Variants in EPHA3 observed in about 807,000 individuals in gnomAD.
The protein encoded by EPHA3 is EPH receptor A3.
Under a neutral mutation model 107.1 loss-of-function variants are expected in EPHA3, and 42 were observed. The observed-to-expected ratio is 0.39, with a 90% CI of 0.31 to 0.51. The LOEUF (loss-of-function observed/expected upper bound fraction) is 0.51, where lower values mean the gene tolerates loss of function less well. EPHA3 is among the 20% of genes least tolerant of loss of function. The pLI is 0.78. For missense variants in EPHA3, 1,183 were observed against 1,211.2 expected, an observed-to-expected ratio of 0.98 and a Z score of 0.35; for synonymous variants, 461 against 424.8, an observed-to-expected ratio of 1.09 and a Z score of -1.05.
chr3:89,346,586 G>A (rs1707661482), intron 5 of EPHA3, among the ~76,000 whole-genome samples: 1 of 150,124 alleles, frequency 6.7e-6, no homozygotes, highest in African/African-American at 2.4e-5. Flanking sequence ...CACTCTGATG[G>A]TAGTTTCTTT....
intron 15 of EPHA3, among the ~76,000 whole-genome samples, chr3:89,471,607 G>A (rs1287132005): frequency 5.9e-5 from 9 of 151,988 alleles, no homozygotes; most frequent in East Asian, 1.9e-4. Flanking sequence ...CAGGTGACCC[G>A]CCGGCCTCAA....
chr3:89,431,451 T>G (rs1169544747), intron 13 of EPHA3, 92 bp downstream of exon 13: 6 of 1,029,988 alleles, frequency 5.8e-6, no homozygotes, highest in Non-Finnish European at 8.5e-6. Flanking sequence ...ACCCAAAACG[T>G]GTTGTCAATT....
intron 6 of EPHA3, among the ~76,000 whole-genome samples, chr3:89,396,966 T>G (rs1292410717): frequency 6.6e-6 from 1 of 152,208 alleles, no homozygotes; most frequent in East Asian, 1.9e-4. Context: ...GGCATCTGTT[T>G]TGAATTGTGG....
At chr3:89,113,637 A>C (rs2106944493) in intron 1 of EPHA3, among the ~76,000 whole-genome samples, 1 of 152,166 alleles carries the variant, frequency 6.6e-6, no homozygotes, top group African/African-American at 2.4e-5. Context: ...TTAATATATA[A>C]ATCATTTGCT....
At chr3:89,358,142 CTT>C (rs1018971646) in intron 5 of EPHA3, among the ~76,000 whole-genome samples, 1 of 150,640 alleles carries the variant, frequency 6.6e-6, no homozygotes, top group Non-Finnish European at 1.5e-5. Flanking sequence ...AGAAGAGAGA[CTT>C]TTTTTTACTA....
chr3:89,247,759 A>C (rs1384015690), intron 3 of EPHA3, among the ~76,000 whole-genome samples: 3 of 152,176 alleles, frequency 2.0e-5, no homozygotes, highest in African/African-American at 7.2e-5. Context: ...AGCAAACGAA[A>C]TTTGAGTCTA....
At chr3:89,416,372 A>G (rs1313496974) in intron 10 of EPHA3, among the ~76,000 whole-genome samples, 1 of 151,456 alleles carries the variant, frequency 6.6e-6, no homozygotes, top group Non-Finnish European at 1.5e-5. Flanking sequence ...TGAATAAGAC[A>G]ATATAAAACT....
At position 89,422,322 on chromosome 3, in the gene EPHA3, G is replaced by A. The variant is rs1387303231; in HGVS notation, c.2074+2932G>A. Among the ~76,000 whole-genome samples the A allele has an allele frequency of 2.0e-5, 3 of 149,904 alleles. No individual in the cohort carries two copies. In the South Asian group the frequency reaches 6.3e-4, roughly 32 times the overall value. ...ATTTCTAAAACAATCCACCTGCAGA[G>A]ATCAGAAAGCACATCTATACATGCA... On this transcript the variant is annotated intron_variant, in intron 11 of 16. Coordinates refer to ENST00000336596, the MANE Select transcript of EPHA3 (RefSeq NM_005233.6).
In EPHA3 at chr3:89,209,944, A is replaced by C; in HGVS notation, c.238A>C (p.Asn80His). 6.2e-7 allele frequency: 1 copy of C among 1,613,912 alleles called. No homozygotes were observed. The highest frequency in any genetic ancestry group is 8.5e-7 in the Non-Finnish European group (1 of 1,179,908). Residue 80 changes from asparagine (N) to histidine (H), a missense_variant, in exon 3 of 17, where the codon AAT (asparagine) becomes CAT (histidine). Transcript: ENST00000336596. Reference sequence around the variant, plus strand: ...CAATGTCATGGACCACAGTCAAAACAATTGGCTGAGAACAAACTGGGTCCC... The same window carrying C: ...CAATGTCATGGACCACAGTCAAAACCATTGGCTGAGAACAAACTGGGTCCC... ...VCNVMDHSQN[N>H]WLRTNWVPRN... is the part of the protein sequence containing the mutation.
At position 89,419,254 on chromosome 3, in the gene EPHA3, A is replaced by G; in HGVS notation, c.1938A>G (p.Lys646=). The change falls in exon 11 of 17, where the codon AAA becomes AAG. Residue 646 remains lysine (K), a synonymous_variant. Transcript: ENST00000336596. ...GTCGCTTAAAACTTCCTTCAAAAAA[A>G]GAGATTTCAGTGGCCATTAAGACCC... ...CSGRLKLPSK[K]EISVAIKTLK... is the part of the protein sequence containing the mutation. 1 of 1,610,258 alleles carries G rather than the reference A, an allele frequency of 6.2e-7. No homozygotes were observed. The highest frequency in any genetic ancestry group is 1.7e-4 in the Middle Eastern group (1 of 6,034).
intron 1 of EPHA3, among the ~76,000 whole-genome samples, chr3:89,111,508 T>TCCCCCCCCCCC (rs143096995): frequency 4.7e-5 from 6 of 128,932 alleles, no homozygotes; most frequent in African/African-American, 8.1e-5. Context: ...CACCCCTACA[T>TCCCCCCCCCCC]CCCCCCCCCA....
chr3:89,280,557 A>G (rs916262563), intron 3 of EPHA3, among the ~76,000 whole-genome samples: 5 of 152,168 alleles, frequency 3.3e-5, no homozygotes, highest in African/African-American at 1.2e-4. Context: ...TTGTTTTCAG[A>G]GAGTCACGTG....
At chr3:89,178,949 G>T (rs1350755445) in intron 2 of EPHA3, among the ~76,000 whole-genome samples, 1 of 151,688 alleles carries the variant, frequency 6.6e-6, no homozygotes, top group African/African-American at 2.4e-5. Flanking sequence ...GTCAATAAAT[G>T]TTTGTGGTAT....
At chr3:89,388,640 A>G (rs140848937) in intron 5 of EPHA3, among the ~76,000 whole-genome samples, 35 of 152,314 alleles carry the variant, frequency 2.3e-4, no homozygotes, top group African/African-American at 7.7e-4. Context: ...GCAATAAATG[A>G]CAAAGCTGGT....
intron 3 of EPHA3, among the ~76,000 whole-genome samples, chr3:89,285,907 G>A (rs1706070556): frequency 6.6e-6 from 1 of 152,098 alleles, no homozygotes; most frequent in African/African-American, 2.4e-5. Flanking sequence ...GAATTAAGGA[G>A]GGGTAAGGAA....
At chr3:89,266,455 A>G (rs937322739) in intron 3 of EPHA3, among the ~76,000 whole-genome samples, 11 of 152,188 alleles carry the variant, frequency 7.2e-5, no homozygotes, top group Admixed American at 7.2e-4. Flanking sequence ...TTAGTGTGTC[A>G]GTGTTGAATT....
At chr3:89,130,899 A>G (rs1252019041) in intron 2 of EPHA3, among the ~76,000 whole-genome samples, 5 of 152,008 alleles carry the variant, frequency 3.3e-5, no homozygotes, top group Non-Finnish European at 5.9e-5. Context: ...GCCTCCCAAA[A>G]TGTTGGGATT....
At chr3:89,454,858 G>A (rs947191771) in intron 15 of EPHA3, among the ~76,000 whole-genome samples, 3 of 152,002 alleles carry the variant, frequency 2.0e-5, no homozygotes, top group South Asian at 2.1e-4. Context: ...GCCAGGCATG[G>A]TGGTGTTTGC....
chr3:89,294,334 A>G (rs1706292713), intron 3 of EPHA3, among the ~76,000 whole-genome samples: 3 of 152,160 alleles, frequency 2.0e-5, no homozygotes, highest in Admixed American at 1.3e-4. Flanking sequence ...GCACTTTTGG[A>G]GAAAATCATT....
Sources: allele counts gnomAD v4.1 joint callset (sites outside exome capture counted in the v4.1 genomes callset), GRCh38; gene constraint gnomAD v4.1.1; transcripts MANE v1.5; gene names NCBI Gene and HGNC (gene_info 2026-07-23, HGNC 2026-07-21).